Variants in CHAF1B observed in about 807,000 individuals in gnomAD.
The protein encoded by CHAF1B is CAF-1 subunit B.
In CHAF1B, 10 loss-of-function variants were observed where a neutral mutation model predicts 60.7. The ratio of observed to expected loss-of-function variants is 0.16; its 90% CI spans 0.10 to 0.28. CHAF1B has a LOEUF of 0.28. CHAF1B is among the 10% of genes least tolerant of loss of function. The pLI, the probability that CHAF1B is intolerant of heterozygous loss-of-function variation, is 1.00. For synonymous variants in CHAF1B, 261 were observed against 266.1 expected (o/e 0.98, Z 0.19); for missense variants, 558 against 708.4 (o/e 0.79, Z 2.41).
In CHAF1B at chr21:36,415,448, C is replaced by G. The variant is rs980118787; in HGVS notation, c.1588+59C>G. 6.0e-6 allele frequency: 7 copies of G among 1,175,272 alleles called. No homozygotes were observed. The African/African-American group carries it at 1.1e-4, about 18-fold the overall frequency. The allele number at this position is 1,175,272 out of a possible 1,614,324, so 72.8% of individuals were successfully genotyped here. ...AAGGTAGAGTATCTTTTCTTTTGTT[C>G]TTTTGGAAATTAATGCCGCCTAATT... On this transcript the variant is annotated intron_variant, in intron 13 of 13. Transcript: ENST00000314103.
At chr21:36,396,249 G>A (rs1165060042) in intron 5 of CHAF1B, among the ~76,000 whole-genome samples, 2 of 149,224 alleles carry the variant, frequency 1.3e-5, no homozygotes, top group Admixed American at 1.3e-4. Flanking sequence ...ATCTGCCTGC[G>A]TCGGCCTCCC....
At chr21:36,396,125 A>G (rs1268362718) in intron 5 of CHAF1B, among the ~76,000 whole-genome samples, 1 of 151,202 alleles carries the variant, frequency 6.6e-6, no homozygotes, top group Non-Finnish European at 1.5e-5. Flanking sequence ...TCAGCCCTCA[A>G]GGTAGCTGGG....
At chr21:36,402,044 G>A (rs2086195861) in intron 7 of CHAF1B, among the ~76,000 whole-genome samples, 1 of 152,020 alleles carries the variant, frequency 6.6e-6, no homozygotes, top group African/African-American at 2.4e-5. Context: ...TCTGGCAAAT[G>A]CTTGATGTTT....
At chr21:36,391,242 A>C (rs930148761) in intron 3 of CHAF1B, among the ~76,000 whole-genome samples, 2 of 152,144 alleles carry the variant, frequency 1.3e-5, no homozygotes, top group African/African-American at 4.8e-5. Context: ...CAATTTGCCT[A>C]CTTTCCCTGT....
At position 36,411,497 on chromosome 21, in the gene CHAF1B, G is replaced by A; in HGVS notation, c.954G>A (p.Val318=). 1 of 1,614,124 alleles carries A rather than the reference G, an allele frequency of 6.2e-7. No homozygotes were observed. Reference sequence around the variant, plus strand: ...TGATGAGTCTGCCCTACCGCCTGGTGTTTGCTGTGGCCTCGGAGGATTCCG... The same window carrying A: ...TGATGAGTCTGCCCTACCGCCTGGTATTTGCTGTGGCCTCGGAGGATTCCG... ...VELMSLPYRL[V]FAVASEDSVL... Residue 318 remains valine (V), a synonymous_variant, in exon 11 of 14, where the codon GTG becomes GTA. Transcript: ENST00000314103.
In CHAF1B at chr21:36,394,537, T is replaced by C; in HGVS notation, c.378-10T>C. The C allele has an allele frequency of 6.2e-7, 1 of 1,600,476 alleles. No individual in the cohort carries two copies. Among genetic ancestry groups the C allele is most frequent in the Non-Finnish European group, 8.6e-7 (1 of 1,169,060 alleles). The stretch of plus-strand genomic sequence containing the variant: ...TAATTGCTTTTTTCCTCTTTGTTTT[T>C]GGATTCTAGGGGCCACTTAGAAGAT... On this transcript the variant is annotated splice_polypyrimidine_tract_variant and intron_variant, in intron 4 of 13. Coordinates refer to ENST00000314103, the MANE Select transcript of CHAF1B (RefSeq NM_005441.3).
intron 9 of CHAF1B, 69 bp downstream of exon 9, chr21:36,408,899 G>A: frequency 1.8e-6 from 2 of 1,124,250 alleles, no homozygotes; most frequent in Non-Finnish European, 2.7e-6. Context: ...TTGTTGCCCA[G>A]GCTGGAGTGC....
Position 36,413,024 on chromosome 21 carries a change from C to T in CHAF1B, c.1202C>T (p.Thr401Ile). The T allele has an allele frequency of 6.2e-7, 1 of 1,614,134 alleles. No individual in the cohort carries two copies. ...AGAACTCCTGATACAGCAAAGAAAA[C>T]CAAGAGTCAGACACATCGAGGGTCT... The part of the protein sequence containing the change: ...NMRTPDTAKK[T>I]KSQTHRGSSP... The change falls in exon 12 of 14, where the codon ACC becomes ATC. Residue 401 changes from threonine to isoleucine, a missense_variant. Physicochemically the swap from Thr to Ile is moderately conservative, Grantham distance 89. Coordinates refer to ENST00000314103, the MANE Select transcript of CHAF1B (RefSeq NM_005441.3).
intron 6 of CHAF1B, 89 bp from the exon 7 acceptor site, chr21:36,399,432 G>GTGGTAATAGGCTGT: frequency 6.5e-6 from 7 of 1,072,880 alleles, no homozygotes; most frequent in Non-Finnish European, 9.9e-6. Flanking sequence ...AACTGTTGCG[G>GTGGTAATAGGCTGT]TGGTAATAGG....
chr21:36,399,538 G>C lies in CHAF1B; in HGVS notation c.596G>C (p.Ser199Thr), dbSNP rs1435276623. ...TTCTTCAGGGTGCTGCGAGTATACA[G>C]TATACAGAAGAAGCGTGTGGCTTTC... ...LSCDRVLRVY[S>T]IQKKRVAFNV... The change falls in exon 7 of 14, where the codon AGT (serine) becomes ACT (threonine). Residue 199 changes from serine (S) to threonine (T), a missense_variant. Coordinates refer to ENST00000314103, the MANE Select transcript of CHAF1B (RefSeq NM_005441.3). The C allele has an allele frequency of 6.2e-7, 1 of 1,614,088 alleles. No individual in the cohort carries two copies. The highest frequency in any genetic ancestry group is 8.5e-7 in the Non-Finnish European group (1 of 1,179,916).
At chr21:36,408,903 G>A (rs1330137869) in intron 9 of CHAF1B, 73 bp downstream of exon 9, 17 of 1,039,146 alleles carry the variant, frequency 1.6e-5, no homozygotes, top group Non-Finnish European at 2.4e-5. Context: ...TGCCCAGGCT[G>A]GAGTGCAATG....
At chr21:36,403,371 C>T (rs1167629052) in intron 8 of CHAF1B, among the ~76,000 whole-genome samples, 3 of 145,332 alleles carry the variant, frequency 2.1e-5, no homozygotes, top group African/African-American at 7.7e-5. Flanking sequence ...GCAGGAGAAT[C>T]GCTTGAACCC....
At position 36,418,172 on chromosome 21, in the gene CHAF1B, C is replaced by T. The variant is rs1568823978; in HGVS notation, c.*1806C>T. The T allele has an allele frequency of 6.6e-6, 1 of 152,168 alleles. No individual in the cohort carries two copies. The highest frequency in any genetic ancestry group is 2.1e-4 in the South Asian group (1 of 4,812). 9.4% of individuals were successfully genotyped at this position (152,168 alleles called of 1,614,324 possible). A position where few individuals can be genotyped will look rare whatever the true frequency, so the allele number is the denominator to read the frequency against. ...GGGATTACAGGCACCCGCCACCACG[C>T]CCGGCTAATTTTTGTATTTTTAGTA... On this transcript the variant is annotated 3_prime_UTR_variant, in exon 14 of 14. Coordinates refer to ENST00000314103, the MANE Select transcript of CHAF1B (RefSeq NM_005441.3).
At chr21:36,399,688 C>A in intron 7 of CHAF1B, 83 bp downstream of exon 7, 2 of 1,107,320 alleles carry the variant, frequency 1.8e-6, no homozygotes, top group Non-Finnish European at 2.7e-6. Context: ...ACCCTTGCAG[C>A]CAAATCACTG....
intron 9 of CHAF1B, 37 bp downstream of exon 9, chr21:36,408,867 T>A: frequency 6.8e-7 from 1 of 1,476,762 alleles, no homozygotes; most frequent in Non-Finnish European, 9.5e-7. Flanking sequence ...TGTTTACATT[T>A]TTTTTAGACG....
intron 8 of CHAF1B, among the ~76,000 whole-genome samples, chr21:36,403,757 T>G (rs539927612): frequency 6.6e-6 from 1 of 152,298 alleles, no homozygotes; most frequent in African/African-American, 2.4e-5. Context: ...GGCTAGGCAT[T>G]ATTGTGGCCA....
chr21:36,387,542 A>G (rs2086044676), intron 2 of CHAF1B, 56 bp from the exon 3 acceptor site: 2 of 1,603,640 alleles, frequency 1.2e-6, no homozygotes, highest in East Asian at 4.5e-5. Context: ...TTTAATACAG[A>G]CAGTATAATA....
At chr21:36,391,516 G>A in intron 3 of CHAF1B, 35 bp from the exon 4 acceptor site, 2 of 1,206,128 alleles carry the variant, frequency 1.7e-6, no homozygotes, top group Non-Finnish European at 2.5e-6. Flanking sequence ...GAGTGTGGGT[G>A]AAGCGTGGAT....
chr21:36,387,868 G>C, intron 3 of CHAF1B, 138 bp downstream of exon 3: 1 of 1,088,580 alleles, frequency 9.2e-7, no homozygotes. Context: ...CCCCAGGCTG[G>C]AGTGCAGTGG....
Sources: gnomAD v4.1 joint callset for allele counts (sites outside exome capture counted in the v4.1 genomes callset) on GRCh38, gnomAD v4.1.1 for gene constraint, MANE v1.5 for transcripts, NCBI Gene and HGNC (gene_info 2026-07-23, HGNC 2026-07-21) for gene names.